The following ATG14 variants were observed in gnomAD, a reference collection of about 807,000 sequenced individuals.
The protein encoded by ATG14 is autophagy related 14, also known as beclin 1-associated autophagy-related key regulator.
A neutral mutation model predicts 60.4 loss-of-function variants in ATG14; 35 were observed. The observed-to-expected ratio is 0.58, with a 90% CI of 0.44 to 0.77. ATG14 has a LOEUF of 0.77. Among genes scored for constraint, ATG14 ranks in the 30% least tolerant of loss-of-function variants. ATG14 has a pLI of 0.00. For missense variants in ATG14, 647 were observed against 626.3 expected, an observed-to-expected ratio of 1.03 and a Z score of -0.35; for synonymous variants, 234 against 228.8, an observed-to-expected ratio of 1.02 and a Z score of -0.21.
intron 4 of ATG14, among the ~76,000 whole-genome samples, chr14:55,387,944 G>C (rs907879312): frequency 6.6e-6 from 1 of 152,178 alleles, no homozygotes; most frequent in Non-Finnish European, 1.5e-5. Context: ...TTATAGGCAT[G>C]AGCCACTGCA....
chr14:55,407,730 T>G (rs1477015113), intron 1 of ATG14, among the ~76,000 whole-genome samples: 4 of 152,158 alleles, frequency 2.6e-5, no homozygotes, highest in Admixed American at 2.6e-4. Context: ...AAATAAATAA[T>G]ATTACACATT....
chr14:55,376,602 G>T (rs1380496905), intron 9 of ATG14, among the ~76,000 whole-genome samples: 1 of 152,124 alleles, frequency 6.6e-6, no homozygotes, highest in African/African-American at 2.4e-5. Flanking sequence ...GTTAAAAGCA[G>T]ATTATCACTG....
At position 55,385,934 on chromosome 14, in the gene ATG14, G is replaced by A; in HGVS notation, c.572C>T (p.Ala191Val). ...IDLRSHYERL[A>V]NLRRSHILEL... The stretch of plus-strand genomic sequence containing the variant: ...TAATATATGGGATCGTCGAAGATTT[G>A]CCAGACGCTCATAATGACTTCTTAA... The change falls in exon 5 of 10, where the codon GCA (alanine) becomes GTA (valine). Residue 191 changes from alanine (A) to valine (V), a missense_variant. Physicochemically the swap from Ala to Val is moderately conservative, Grantham distance 64. Coordinates refer to ENST00000247178, the MANE Select transcript of ATG14 (RefSeq NM_014924.5). 6.2e-7 allele frequency: 1 copy of A among 1,614,138 alleles called. No individual in the cohort carries two copies. The highest frequency in any genetic ancestry group is 8.5e-7 in the Non-Finnish European group (1 of 1,180,028).
Position 55,397,392 on chromosome 14 carries a change from C to G in ATG14, c.264G>C (p.Lys88Asn). The G allele has an allele frequency of 6.2e-7, 1 of 1,613,636 alleles. No individual in the cohort carries two copies. The highest frequency in any genetic ancestry group is 8.5e-7 in the Non-Finnish European group (1 of 1,179,670). ...CTCACTCTTTCTGAAATTCTTCTTGCTTGCTCTTAAGTCGGCTTAACCTTT... is the reference window on the plus strand; with the variant it reads ...CTCACTCTTTCTGAAATTCTTCTTGGTTGCTCTTAAGTCGGCTTAACCTTT... ...KKERLSRLKS[K>N]QEEFQKEVLK... Residue 88 changes from lysine (K) to asparagine (N), a missense_variant, in exon 2 of 10, where the codon AAG becomes AAC. Coordinates refer to ENST00000247178, the MANE Select transcript of ATG14 (RefSeq NM_014924.5).
intron 5 of ATG14, among the ~76,000 whole-genome samples, chr14:55,384,906 T>G (rs1481550379): frequency 6.6e-6 from 1 of 152,180 alleles, no homozygotes; most frequent in Non-Finnish European, 1.5e-5. Context: ...TATTACAAGA[T>G]GGACTGGGAG....
intron 6 of ATG14, among the ~76,000 whole-genome samples, 153 bp from the exon 7 acceptor site, chr14:55,380,843 C>A (rs1885017583): frequency 8.4e-6 from 1 of 118,558 alleles, no homozygotes; most frequent in African/African-American, 3.8e-5. Flanking sequence ...ATAAATGGTC[C>A]ATTCTTTGTG....
Position 55,369,608 on chromosome 14 carries a change from G to C in ATG14, c.*11C>G. 1 of 1,500,452 alleles carries C rather than the reference G, an allele frequency of 6.7e-7. No individual in the cohort carries two copies. The highest frequency in any genetic ancestry group is 8.9e-7 in the Non-Finnish European group (1 of 1,122,714). The allele number at this position is 1,500,452 out of a possible 1,614,324, so 92.9% of individuals were successfully genotyped here. ...CTTGATGCAGATTTGGTATGTTTTGGTCCATGCTCGTTAACGGTGTCCAGT... is the reference window on the plus strand; with the variant it reads ...CTTGATGCAGATTTGGTATGTTTTGCTCCATGCTCGTTAACGGTGTCCAGT... On this transcript the variant is annotated 3_prime_UTR_variant, in exon 10 of 10. Transcript: ENST00000247178.
intron 9 of ATG14, among the ~76,000 whole-genome samples, chr14:55,377,300 T>C (rs1467957062): frequency 2.0e-5 from 3 of 151,926 alleles, no homozygotes; most frequent in Non-Finnish European, 4.4e-5. Flanking sequence ...TGAGCTGAGA[T>C]TGCACCACTG....
At chr14:55,390,623 A>G (rs1206846497) in intron 4 of ATG14, among the ~76,000 whole-genome samples, 12 of 151,508 alleles carry the variant, frequency 7.9e-5, no homozygotes, top group Non-Finnish European at 1.6e-4. Context: ...CGCCTGCCTC[A>G]GCCTCCCAAA....
chr14:55,396,526 T>C (rs1319228124), intron 2 of ATG14, among the ~76,000 whole-genome samples: 1 of 152,248 alleles, frequency 6.6e-6, no homozygotes, highest in African/African-American at 2.4e-5. Flanking sequence ...CTAGAGAAGC[T>C]TGGGTTACAC....
chr14:55,377,433 T>TA (rs1243397344), intron 9 of ATG14, among the ~76,000 whole-genome samples: 1 of 151,862 alleles, frequency 6.6e-6, no homozygotes, highest in Non-Finnish European at 1.5e-5. Context: ...GGGCAGACAC[T>TA]AGGTAGGGCT....
At chr14:55,397,457 CTTAT>C in intron 1 of ATG14, 23 bp from the exon 2 acceptor site, 2 of 1,588,532 alleles carry the variant, frequency 1.3e-6, no homozygotes, top group Non-Finnish European at 1.7e-6. Flanking sequence ...AATTCAATGT[CTTAT>C]TTAAATGGTC....
intron 5 of ATG14, among the ~76,000 whole-genome samples, chr14:55,383,469 T>A (rs1885069583): frequency 6.6e-6 from 1 of 152,000 alleles, no homozygotes; most frequent in African/African-American, 2.4e-5. Context: ...GAGAATTGCT[T>A]GAACCTGGGA....
intron 1 of ATG14, among the ~76,000 whole-genome samples, chr14:55,398,355 A>AT (rs1885348990): frequency 1.3e-5 from 2 of 152,110 alleles, no homozygotes; most frequent in Non-Finnish European, 2.9e-5. Context: ...GTTTAAGGTG[A>AT]TAACTCAGGT....
At chr14:55,375,699 A>T (rs1884906549) in intron 9 of ATG14, among the ~76,000 whole-genome samples, 1 of 151,968 alleles carries the variant, frequency 6.6e-6, no homozygotes, top group Non-Finnish European at 1.5e-5. Flanking sequence ...TTCAATAATT[A>T]TACCATCTAC....
chr14:55,401,282 G>C (rs1487833802), intron 1 of ATG14, among the ~76,000 whole-genome samples: 1 of 150,856 alleles, frequency 6.6e-6, no homozygotes, highest in Non-Finnish European at 1.5e-5. Context: ...TTTCCTTTGA[G>C]GATTATTTAG....
At chr14:55,385,268 C>T (rs1885103532) in intron 5 of ATG14, among the ~76,000 whole-genome samples, 1 of 152,056 alleles carries the variant, frequency 6.6e-6, no homozygotes, top group African/African-American at 2.4e-5. Context: ...GGCCCAATAC[C>T]ACCCATCAGA....
intron 1 of ATG14, among the ~76,000 whole-genome samples, chr14:55,406,124 A>G (rs1355078063): frequency 1.3e-5 from 2 of 152,242 alleles, no homozygotes; most frequent in African/African-American, 4.8e-5. Flanking sequence ...TAAGAGTCAA[A>G]GGAACTAATT....
intron 5 of ATG14, among the ~76,000 whole-genome samples, chr14:55,384,561 T>C (rs944144042): frequency 1.2e-4 from 18 of 152,362 alleles, no homozygotes; most frequent in African/African-American, 4.1e-4. Flanking sequence ...CCTTTTTATT[T>C]TTCTATTTGC....
Sources: allele counts gnomAD v4.1 joint callset (sites outside exome capture counted in the v4.1 genomes callset), GRCh38; gene constraint gnomAD v4.1.1; transcripts MANE v1.5; gene names NCBI Gene and HGNC (gene_info 2026-07-23, HGNC 2026-07-21).